AMBRA1: variants seen among roughly 807,000 people sequenced by gnomAD.
AMBRA1 encodes activating molecule in BECN1-regulated autophagy protein 1.
A neutral mutation model predicts 125.4 loss-of-function variants in AMBRA1; 47 were observed. The observed-to-expected ratio is 0.37, with a 90% CI of 0.30 to 0.48. AMBRA1 has a LOEUF of 0.48. Ranked by LOEUF, AMBRA1 falls within the 20% of genes least tolerant of loss-of-function variation. The probability of loss-of-function intolerance (pLI) is 0.99; values close to 1 mark genes in which losing one functional copy is unlikely to be tolerated. For synonymous variants in AMBRA1, 626 were observed against 655.5 expected (o/e 0.95, Z 0.69); for missense variants, 1,331 against 1,693.4 (o/e 0.79, Z 3.76).
intron 14 of AMBRA1, chr11:46,428,622 T>G: frequency 6.4e-7 from 1 of 1,565,088 alleles, no homozygotes; most frequent in African/African-American, 1.3e-5. Flanking sequence ...TGGCTATAAG[T>G]TTATTCAATG....
At chr11:46,407,846 G>C (rs913745308) in intron 17 of AMBRA1, among the ~76,000 whole-genome samples, 3 of 152,126 alleles carry the variant, frequency 2.0e-5, no homozygotes, top group African/African-American at 7.2e-5. Flanking sequence ...ATCAGCAAGG[G>C]GGCTGGAGGT....
At chr11:46,485,479 G>A (rs997044430) in intron 11 of AMBRA1, among the ~76,000 whole-genome samples, 3 of 152,240 alleles carry the variant, frequency 2.0e-5, no homozygotes, top group African/African-American at 7.2e-5. Flanking sequence ...AAGACTGGTA[G>A]TTAAAGTCTC....
intron 15 of AMBRA1, 32 bp from the exon 16 acceptor site, chr11:46,410,400 G>T (rs767039388): frequency 1.3e-6 from 2 of 1,580,308 alleles, no homozygotes; most frequent in Non-Finnish European, 1.7e-6. Flanking sequence ...TAAAGAAGAA[G>T]GTGAAAGGCA....
intron 1 of AMBRA1, among the ~76,000 whole-genome samples, chr11:46,568,540 A>AG (rs1213756447): frequency 1.3e-5 from 2 of 152,080 alleles, no homozygotes; most frequent in Non-Finnish European, 2.9e-5. Context: ...TGGGAGGCCA[A>AG]GGTGGGTGGA....
At chr11:46,540,946 T>C (rs1409366409) in intron 7 of AMBRA1, among the ~76,000 whole-genome samples, 1 of 152,222 alleles carries the variant, frequency 6.6e-6, no homozygotes, top group Non-Finnish European at 1.5e-5. Flanking sequence ...AGTGACTGTC[T>C]AAAGCATCCT....
At chr11:46,580,321 A>G (rs565500155) in intron 1 of AMBRA1, among the ~76,000 whole-genome samples, 7 of 152,276 alleles carry the variant, frequency 4.6e-5, no homozygotes, top group Non-Finnish European at 1.0e-4. Flanking sequence ...GGTTGTAAAT[A>G]CCATCTATAT....
At chr11:46,581,558 A>G (rs1218661944) in intron 1 of AMBRA1, among the ~76,000 whole-genome samples, 1 of 152,040 alleles carries the variant, frequency 6.6e-6, no homozygotes, top group African/African-American at 2.4e-5. Flanking sequence ...GCAAGCCGAG[A>G]TCGCACCACT....
At chr11:46,428,107 G>C (rs1947247887) in intron 14 of AMBRA1, among the ~76,000 whole-genome samples, 2 of 151,632 alleles carry the variant, frequency 1.3e-5, no homozygotes, top group South Asian at 4.2e-4. Flanking sequence ...TAGCGCTCTA[G>C]AGGGAGAAGG....
chr11:46,469,061 T>C (rs767119982), intron 11 of AMBRA1, among the ~76,000 whole-genome samples: 12 of 152,020 alleles, frequency 7.9e-5, no homozygotes, highest in Non-Finnish European at 1.5e-5. Flanking sequence ...GAGAATCACT[T>C]GAACCTGGGA....
intron 11 of AMBRA1, among the ~76,000 whole-genome samples, chr11:46,452,187 A>G (rs1948636082): frequency 6.6e-6 from 1 of 152,176 alleles, no homozygotes; most frequent in African/African-American, 2.4e-5. Flanking sequence ...AAAAAATGGT[A>G]ATCCTATTTT....
At chr11:46,551,136 T>C (rs1414991479) in intron 1 of AMBRA1, among the ~76,000 whole-genome samples, 3 of 148,930 alleles carry the variant, frequency 2.0e-5, no homozygotes, top group African/African-American at 5.0e-5. Context: ...CCAAAATATA[T>C]TGTCGAGAGA....
At chr11:46,583,987 T>C (rs1053819440) in intron 1 of AMBRA1, among the ~76,000 whole-genome samples, 14 of 144,462 alleles carry the variant, frequency 9.7e-5, no homozygotes, top group Admixed American at 1.4e-4. Context: ...GATCTAGAAC[T>C]AGAAATACCA....
Position 46,433,625 on chromosome 11 carries a change from G to A in AMBRA1, c.2825C>T (p.Pro942Leu). 2 of 1,613,000 alleles carry A rather than the reference G, an allele frequency of 1.2e-6. No individual in the cohort carries two copies. Among genetic ancestry groups the A allele is most frequent in the Non-Finnish European group, 1.7e-6 (2 of 1,179,238 alleles). Residue 942 changes from proline to leucine, a missense_variant, in exon 14 of 18, where the codon CCC becomes CTC. Pro to Leu is a moderately conservative substitution (Grantham distance 98). Transcript: ENST00000683756. ...GEMLYTKRFG[P>L]NAISVSLSPM... ...GGACAGGCTCACCGAAATGGCATTG[G>A]GACCTGAGGGCCAACAAAACAGAGA...
intron 11 of AMBRA1, among the ~76,000 whole-genome samples, chr11:46,449,798 C>T (rs772130643): frequency 2.6e-5 from 4 of 152,188 alleles, no homozygotes; most frequent in Non-Finnish European, 4.4e-5. Flanking sequence ...CAGTGGCTCA[C>T]GCCTGTAATC....
At chr11:46,525,971 CA>C (rs905997162) in intron 7 of AMBRA1, among the ~76,000 whole-genome samples, 22 of 151,790 alleles carry the variant, frequency 1.4e-4, no homozygotes, top group African/African-American at 5.1e-4. Flanking sequence ...TTTGGGAGGT[CA>C]AGGCGGACAG....
At chr11:46,445,923 T>C (rs1948260228) in intron 11 of AMBRA1, among the ~76,000 whole-genome samples, 1 of 152,232 alleles carries the variant, frequency 6.6e-6, no homozygotes, top group Non-Finnish European at 1.5e-5. Flanking sequence ...GGATAAGAAC[T>C]ACAAACAGGA....
intron 17 of AMBRA1, among the ~76,000 whole-genome samples, chr11:46,407,848 G>C (rs914567511): frequency 5.9e-5 from 9 of 152,138 alleles, no homozygotes; most frequent in African/African-American, 2.2e-4. Flanking sequence ...CAGCAAGGGG[G>C]CTGGAGGTAG....
intron 11 of AMBRA1, among the ~76,000 whole-genome samples, chr11:46,460,525 G>A (rs1209928737): frequency 6.6e-6 from 1 of 151,950 alleles, no homozygotes; most frequent in Non-Finnish European, 1.5e-5. Flanking sequence ...GGGTTTCACC[G>A]TGTCAGCCAA....
At chr11:46,586,669 T>C (rs1314736941) in intron 1 of AMBRA1, among the ~76,000 whole-genome samples, 1 of 152,232 alleles carries the variant, frequency 6.6e-6, no homozygotes, top group Non-Finnish European at 1.5e-5. Context: ...ATACAGCACC[T>C]AGTGCTGTTC....
Sources: gnomAD v4.1 joint callset for allele counts (sites outside exome capture counted in the v4.1 genomes callset) on GRCh38, gnomAD v4.1.1 for gene constraint, MANE v1.5 for transcripts, NCBI Gene and HGNC (gene_info 2026-07-23, HGNC 2026-07-21) for gene names.